Variants in PLPPR1 observed in about 807,000 individuals in gnomAD.
PLPPR1 encodes phospholipid phosphatase-related protein type 1.
A neutral mutation model predicts 33.1 loss-of-function variants in PLPPR1; 10 were observed. The ratio of observed to expected loss-of-function variants is 0.30; its 90% CI spans 0.19 to 0.51. PLPPR1 has a LOEUF of 0.51. PLPPR1 is among the 20% of genes least tolerant of loss of function. The pLI is 0.97. For synonymous variants in PLPPR1, 151 were observed against 151.0 expected (o/e 1.00, Z 0.00); for missense variants, 304 against 408.1 (o/e 0.74, Z 2.20).
At chr9:101,083,419 T>C (rs902225800) in intron 1 of PLPPR1, among the ~76,000 whole-genome samples, 1 of 151,486 alleles carries the variant, frequency 6.6e-6, no homozygotes, top group African/African-American at 2.4e-5. Context: ...TATGCAAAAT[T>C]GACTGGAAAG....
chr9:101,264,696 C>A (rs537662697), intron 2 of PLPPR1, among the ~76,000 whole-genome samples: 1 of 152,288 alleles, frequency 6.6e-6, no homozygotes, highest in South Asian at 2.1e-4. Context: ...CATGGCCGAA[C>A]CAGAATGAGA....
chr9:101,108,136 AC>A (rs1831001359), intron 1 of PLPPR1, among the ~76,000 whole-genome samples: 1 of 146,756 alleles, frequency 6.8e-6, no homozygotes, highest in African/African-American at 2.6e-5. Flanking sequence ...GGAGCTGTAG[AC>A]CGGAGCTGTT....
At position 101,273,484 on chromosome 9, in the gene PLPPR1, T is replaced by C. The variant is rs1588106215; in HGVS notation, c.252+3416T>C. Among the ~76,000 whole-genome samples the C allele has an allele frequency of 3.3e-5, 5 of 152,316 alleles. 1 individual carries two copies. Among genetic ancestry groups the C allele is most frequent in the Admixed American group, 3.3e-4 (5 of 15,300 alleles). On this transcript the variant is annotated intron_variant, in intron 3 of 7. Coordinates refer to ENST00000374874, the MANE Select transcript of PLPPR1 (RefSeq NM_207299.2). ...GCCCCCATTCACCTGAGCTGTATTG[T>C]TCTGCTGGACCACTGCAAGGACATG...
intron 1 of PLPPR1, among the ~76,000 whole-genome samples, chr9:101,030,975 G>C (rs1263742761): frequency 1.3e-5 from 2 of 151,972 alleles, no homozygotes; most frequent in Admixed American, 6.6e-5. Context: ...GGGGGAATTG[G>C]GAAAGGGATG....
intron 2 of PLPPR1, among the ~76,000 whole-genome samples, chr9:101,217,325 T>C (rs987285446): frequency 2.0e-5 from 3 of 152,188 alleles, no homozygotes; most frequent in Admixed American, 2.0e-4. Flanking sequence ...TTGAACCTAT[T>C]ATAACAGATT....
chr9:101,182,069 T>G (rs993602775), intron 1 of PLPPR1, among the ~76,000 whole-genome samples: 10 of 151,426 alleles, frequency 6.6e-5, no homozygotes, highest in African/African-American at 2.4e-4. Context: ...TGGAATACTA[T>G]TTAGCCTTAA....
At chr9:101,305,085 G>C (rs1828832396) in intron 4 of PLPPR1, among the ~76,000 whole-genome samples, 1 of 152,104 alleles carries the variant, frequency 6.6e-6, no homozygotes, top group South Asian at 2.1e-4. Context: ...TCTAAATCCT[G>C]GATCTCAGAG....
At chr9:101,128,202 C>G (rs891807283) in intron 1 of PLPPR1, among the ~76,000 whole-genome samples, 2 of 152,048 alleles carry the variant, frequency 1.3e-5, no homozygotes, top group Admixed American at 6.6e-5. Context: ...TTTAAAGAAC[C>G]AAGTGGTCTG....
chr9:101,207,368 G>A (rs1483933192), intron 2 of PLPPR1, among the ~76,000 whole-genome samples: 1 of 152,178 alleles, frequency 6.6e-6, no homozygotes, highest in African/African-American at 2.4e-5. Context: ...TACCTAAATT[G>A]GAAGAACGAA....
At chr9:101,079,766 G>T (rs1374816765) in intron 1 of PLPPR1, among the ~76,000 whole-genome samples, 1 of 152,038 alleles carries the variant, frequency 6.6e-6, no homozygotes, top group Non-Finnish European at 1.5e-5. Flanking sequence ...TTTTAGTAGA[G>T]GCTTGGTTTC....
chr9:101,092,131 T>C (rs1477713373), intron 1 of PLPPR1, among the ~76,000 whole-genome samples: 1 of 152,170 alleles, frequency 6.6e-6, no homozygotes, highest in Non-Finnish European at 1.5e-5. Context: ...CCCGTACACC[T>C]GTTCCTTCAA....
At chr9:101,319,071 T>C (rs1479777373) in intron 7 of PLPPR1, among the ~76,000 whole-genome samples, 1 of 143,100 alleles carries the variant, frequency 7.0e-6, no homozygotes, top group Non-Finnish European at 1.5e-5. Context: ...CTTCCCTTTG[T>C]TCCCTTTGGA....
chr9:101,073,107 G>A (rs10989376), intron 1 of PLPPR1, among the ~76,000 whole-genome samples: 5,930 of 152,236 alleles, frequency 0.039, 176 homozygotes, highest in East Asian at 0.082. Context: ...GAATGGGTCT[G>A]GGTTAGATGA....
chr9:101,273,710 T>C (rs1828139444), intron 3 of PLPPR1, among the ~76,000 whole-genome samples: 1 of 152,244 alleles, frequency 6.6e-6, no homozygotes, highest in African/African-American at 2.4e-5. Flanking sequence ...TATTTCTGAA[T>C]GGTAATGTTA....
chr9:101,127,138 G>A (rs1278947912), intron 1 of PLPPR1, among the ~76,000 whole-genome samples: 7 of 152,216 alleles, frequency 4.6e-5, no homozygotes, highest in Non-Finnish European at 8.8e-5. Flanking sequence ...TGTTACCCTC[G>A]TTCTTCCAAG....
chr9:101,257,073 A>G (rs766493846), intron 2 of PLPPR1, among the ~76,000 whole-genome samples: 6 of 152,076 alleles, frequency 3.9e-5, no homozygotes, highest in Non-Finnish European at 7.4e-5. Context: ...TGTTCAAATG[A>G]GTTTAAATGA....
At chr9:101,065,549 G>T (rs1174367550) in intron 1 of PLPPR1, among the ~76,000 whole-genome samples, 1 of 151,904 alleles carries the variant, frequency 6.6e-6, no homozygotes, top group African/African-American at 2.4e-5. Flanking sequence ...CTTTACCCTG[G>T]TCACAATTCT....
chr9:101,033,349 G>A (rs1308242865), intron 1 of PLPPR1, among the ~76,000 whole-genome samples: 1 of 152,192 alleles, frequency 6.6e-6, no homozygotes, highest in Non-Finnish European at 1.5e-5. Context: ...GCTCAGGAAA[G>A]TAAAAGGCTT....
chr9:101,320,035 C>T (rs1221062325), intron 7 of PLPPR1, among the ~76,000 whole-genome samples: 2 of 152,116 alleles, frequency 1.3e-5, no homozygotes, highest in African/African-American at 4.8e-5. Flanking sequence ...CTAGAGATGT[C>T]CAGACTCTAT....
Sources: allele counts gnomAD v4.1 joint callset (sites outside exome capture counted in the v4.1 genomes callset), GRCh38; gene constraint gnomAD v4.1.1; transcripts MANE v1.5; gene names NCBI Gene and HGNC (gene_info 2026-07-23, HGNC 2026-07-21).